Variants in RNLS observed in about 807,000 individuals in gnomAD.
RNLS encodes the protein renalase.
Under a neutral mutation model 39.8 loss-of-function variants are expected in RNLS, and 39 were observed. That is an observed-to-expected ratio of 0.98 (90% confidence interval 0.76 to 1.28). The LOEUF is 1.28. Among genes scored for constraint, RNLS ranks in the 50% most tolerant of loss-of-function variants. The pLI, the probability that RNLS is intolerant of heterozygous loss-of-function variation, is 0.00. For missense variants in RNLS, 410 were observed against 413.3 expected (o/e 0.99, Z 0.07); for synonymous variants, 147 against 150.7 (o/e 0.98, Z 0.18).
At chr10:88,228,923 T>A in the RNLS span, among the ~76,000 whole-genome samples, 2 of 152,166 alleles carry the variant, frequency 1.3e-5, no homozygotes, top group Admixed American at 1.3e-4. Context: ...ATGTAGGGAG[T>A]CCATGTAGCT....
At chr10:88,477,084 G>T (rs576795542) in intron 4 of RNLS, among the ~76,000 whole-genome samples, 11 of 150,756 alleles carry the variant, frequency 7.3e-5, no homozygotes, top group East Asian at 5.9e-4. Flanking sequence ...CCCAAAACAA[G>T]AGTAATTCAA....
intron 4 of RNLS, among the ~76,000 whole-genome samples, chr10:88,449,151 TAAACA>T (rs763202457): frequency 3.6e-4 from 55 of 152,146 alleles, no homozygotes; most frequent in African/African-American, 1.1e-3. Flanking sequence ...AGTATAATAA[TAAACA>T]AAACAAAACA....
At chr10:88,248,623 TG>T in the RNLS span, among the ~76,000 whole-genome samples, 1 of 152,214 alleles carries the variant, frequency 6.6e-6, no homozygotes, top group South Asian at 2.1e-4. Context: ...TTCCAAGTTC[TG>T]GGCAAAAATG....
At chr10:88,223,829 C>G in the RNLS span, among the ~76,000 whole-genome samples, 10 of 152,044 alleles carry the variant, frequency 6.6e-5, no homozygotes, top group Non-Finnish European at 7.4e-5. Context: ...CTCGAGAGCC[C>G]CAACTCTCCT....
intron 4 of RNLS, among the ~76,000 whole-genome samples, chr10:88,485,665 T>C (rs1313151112): frequency 2.9e-5 from 4 of 137,370 alleles, no homozygotes; most frequent in African/African-American, 1.1e-4. Context: ...AAAAAACGAA[T>C]ATGAGCCATT....
chr10:88,275,382 G>A (rs2132586692), intron 6 of RNLS, among the ~76,000 whole-genome samples: 1 of 152,166 alleles, frequency 6.6e-6, no homozygotes, highest in South Asian at 2.1e-4. Flanking sequence ...TTTGAATGCA[G>A]GTCTCAGTTT....
chr10:88,451,727 C>A (rs1357450595), intron 4 of RNLS, among the ~76,000 whole-genome samples: 1 of 152,156 alleles, frequency 6.6e-6, no homozygotes, highest in Non-Finnish European at 1.5e-5. Context: ...CTCTGCCCCA[C>A]CCATCAACCC....
At chr10:88,444,080 A>C (rs1428737048) in intron 4 of RNLS, among the ~76,000 whole-genome samples, 1 of 152,186 alleles carries the variant, frequency 6.6e-6, no homozygotes, top group Non-Finnish European at 1.5e-5. Context: ...CCAGTAGGGG[A>C]AGACTGACAC....
the RNLS span, among the ~76,000 whole-genome samples, chr10:88,262,489 C>T: frequency 6.6e-6 from 1 of 152,158 alleles, no homozygotes; most frequent in South Asian, 2.1e-4. Flanking sequence ...ATGGCCATGC[C>T]AGTGTGACTC....
chr10:88,217,323 A>G, the RNLS span, among the ~76,000 whole-genome samples: 1 of 152,232 alleles, frequency 6.6e-6, no homozygotes, highest in African/African-American at 2.4e-5. Flanking sequence ...GTATGGACTC[A>G]TATATTTTGC....
At chr10:88,189,344 A>T in the RNLS span, among the ~76,000 whole-genome samples, 2 of 152,216 alleles carry the variant, frequency 1.3e-5, no homozygotes. Flanking sequence ...TGGAGTGTCA[A>T]TAACTTATTG....
intron 4 of RNLS, among the ~76,000 whole-genome samples, chr10:88,392,536 A>G (rs1418737272): frequency 6.6e-6 from 1 of 152,202 alleles, no homozygotes; most frequent in Admixed American, 6.5e-5. Flanking sequence ...ATTTAAGAAA[A>G]TCTTTGTCCA....
At chr10:88,191,879 T>C in the RNLS span, among the ~76,000 whole-genome samples, 1 of 152,088 alleles carries the variant, frequency 6.6e-6, no homozygotes, top group Non-Finnish European at 1.5e-5. Context: ...CTGGCTTCAA[T>C]GTACTTTTGA....
At chr10:88,464,252 G>A (rs1306400840) in intron 4 of RNLS, among the ~76,000 whole-genome samples, 1 of 152,094 alleles carries the variant, frequency 6.6e-6, no homozygotes, top group African/African-American at 2.4e-5. Flanking sequence ...GATATCATCA[G>A]CAAGGGAAAG....
the RNLS span, among the ~76,000 whole-genome samples, chr10:88,226,057 T>C: frequency 4.3e-4 from 65 of 152,348 alleles, no homozygotes; most frequent in African/African-American, 1.5e-3. Flanking sequence ...GTTATTGTGT[T>C]GGATCAATTT....
intron 4 of RNLS, among the ~76,000 whole-genome samples, chr10:88,541,952 C>G (rs1001977161): frequency 2.0e-5 from 3 of 152,038 alleles, no homozygotes; most frequent in Non-Finnish European, 4.4e-5. Flanking sequence ...TGGAACCCTC[C>G]ACAGCACAGG....
chr10:88,581,542 T>A, intron 3 of RNLS, 25 bp downstream of exon 3: 1 of 1,572,268 alleles, frequency 6.4e-7, no homozygotes, highest in Admixed American at 1.9e-5. Flanking sequence ...TTTTAAAATT[T>A]AGGCAGAGAA....
intron 4 of RNLS, among the ~76,000 whole-genome samples, chr10:88,451,004 C>T (rs1275442317): frequency 7.0e-6 from 1 of 143,668 alleles, no homozygotes; most frequent in Non-Finnish European, 1.5e-5. Context: ...AAAAAGTTGT[C>T]CAAAGGCCTA....
chr10:88,196,726 G>A, the RNLS span, among the ~76,000 whole-genome samples: 4,908 of 152,306 alleles, frequency 0.032, 126 homozygotes, highest in Non-Finnish European at 0.05. Context: ...CAGTTTAGAC[G>A]AGACAATGCC....
Sources: gnomAD v4.1 joint callset for allele counts (sites outside exome capture counted in the v4.1 genomes callset) on GRCh38, gnomAD v4.1.1 for gene constraint, MANE v1.5 for transcripts, NCBI Gene and HGNC (gene_info 2026-07-23, HGNC 2026-07-21) for gene names.